The following AGAP1 variants were observed in gnomAD, a reference collection of about 807,000 sequenced individuals.
AGAP1 encodes arf-GAP with GTPase, ANK repeat and PH domain-containing protein 1.
AGAP1 carries 29 observed loss-of-function variants against 105.3 expected under a neutral mutation model. The observed-to-expected ratio is 0.28, with a 90% confidence interval of 0.21 to 0.38. The LOEUF (loss-of-function observed/expected upper bound fraction) is 0.38, where lower values mean the gene tolerates loss of function less well. Ranked by LOEUF, AGAP1 falls within the 10% of genes least tolerant of loss-of-function variation. The probability of loss-of-function intolerance (pLI) is 1.00; values close to 1 mark genes in which losing one functional copy is unlikely to be tolerated. For synonymous variants in AGAP1, 509 were observed against 485.9 expected, an observed-to-expected ratio of 1.05 and a Z score of -0.63; for missense variants, 998 against 1,165.1, an observed-to-expected ratio of 0.86 and a Z score of 2.09.
chr2:236,103,818 C>T (rs373760276), intron 16 of AGAP1, among the ~76,000 whole-genome samples: 5 of 152,150 alleles, frequency 3.3e-5, no homozygotes, highest in Middle Eastern at 3.2e-3. Flanking sequence ...CTGCCAACCT[C>T]GGCCTCCCAA....
chr2:236,037,859 A>G (rs1276929960), intron 14 of AGAP1, among the ~76,000 whole-genome samples: 1 of 152,132 alleles, frequency 6.6e-6, no homozygotes, highest in Non-Finnish European at 1.5e-5. Flanking sequence ...GCATTTTGAT[A>G]TTTCAGACTA....
At chr2:235,541,055 G>A (rs965780725) in intron 1 of AGAP1, among the ~76,000 whole-genome samples, 4 of 152,112 alleles carry the variant, frequency 2.6e-5, no homozygotes, top group Non-Finnish European at 5.9e-5. Context: ...TAACTCTAGC[G>A]AATGATTTTG....
At chr2:235,863,689 C>T (rs189493876) in intron 9 of AGAP1, among the ~76,000 whole-genome samples, 1 of 152,196 alleles carries the variant, frequency 6.6e-6, no homozygotes, top group Non-Finnish European at 1.5e-5. Context: ...AACTACGGGT[C>T]GCTGGCCAAT....
At chr2:235,589,189 GTTTTGTTTTT>G (rs1280058774) in intron 1 of AGAP1, among the ~76,000 whole-genome samples, 4 of 54,924 alleles carry the variant, frequency 7.3e-5, no homozygotes, top group South Asian at 6.3e-4. Context: ...ATAGCTTATT[GTTTTGTTTTT>G]TTTTTTTTTT....
At chr2:236,097,828 TC>T (rs1470238403) in intron 16 of AGAP1, among the ~76,000 whole-genome samples, 1 of 151,994 alleles carries the variant, frequency 6.6e-6, no homozygotes, top group Non-Finnish European at 1.5e-5. Context: ...AACTCCCACT[TC>T]CCCTGGCCCC....
Position 235,675,339 on chromosome 2 carries a change from C to T in AGAP1, c.164-33840C>T, listed in dbSNP as rs1399026534. Among the ~76,000 whole-genome samples the T allele has an allele frequency of 4.6e-5, 7 of 151,790 alleles. No homozygotes were observed. In the East Asian group the frequency reaches 7.8e-4, roughly 17 times the overall value. ...CCGAATAGCTGGGACTACAGGTGCC[C>T]GCCACCACGCCCGGCTAATTTATTT... On this transcript the variant is annotated intron_variant, in intron 1 of 17. Transcript: ENST00000304032.
chr2:235,498,884 T>A (rs544039864), intron 1 of AGAP1, among the ~76,000 whole-genome samples: 89 of 152,292 alleles, frequency 5.8e-4, no homozygotes, highest in Middle Eastern at 3.4e-3. Flanking sequence ...CTGCACTTCT[T>A]AAGGGCATTT....
chr2:235,941,999 C>A (rs1264248080), intron 12 of AGAP1, among the ~76,000 whole-genome samples: 1 of 152,174 alleles, frequency 6.6e-6, no homozygotes, highest in Admixed American at 6.5e-5. Context: ...TGGCCCAGAA[C>A]TCAGCTCTCT....
intron 1 of AGAP1, among the ~76,000 whole-genome samples, chr2:235,707,171 G>A (rs1309624555): frequency 1.3e-5 from 2 of 152,214 alleles, no homozygotes; most frequent in Non-Finnish European, 2.9e-5. Flanking sequence ...GTCTTTGCGG[G>A]CAGTGCAGGG....
At chr2:236,067,622 C>A (rs2058380309) in intron 16 of AGAP1, among the ~76,000 whole-genome samples, 1 of 152,160 alleles carries the variant, frequency 6.6e-6, no homozygotes, top group Non-Finnish European at 1.5e-5. Context: ...GTGAAATAAT[C>A]TATGTTACTA....
rs373205713 is a variant in AGAP1 at position 236,036,627 on chromosome 2, C to T, written c.1712C>T (p.Thr571Met). ...GGCCAAACATGGCACTTTGAAGCCA[C>T]GACGTATGAGGAGCGGGACGCCTGG... The part of the protein sequence containing the change: ...LTGQTWHFEA[T>M]TYEERDAWVQ... Residue 571 changes from threonine to methionine, a missense_variant, in exon 14 of 18, where the codon ACG becomes ATG. Physicochemically the swap from Thr to Met is moderately conservative, Grantham distance 81. Coordinates refer to ENST00000304032, the MANE Select transcript of AGAP1 (RefSeq NM_001037131.3). The surrounding 1 kb of genome is among the most constrained non-coding windows in gnomAD (Gnocchi z 5.7). The T allele has an allele frequency of 1.0e-4, 169 of 1,614,080 alleles. No homozygotes were observed. Among genetic ancestry groups the T allele is most frequent in the Non-Finnish European group, 1.3e-4 (152 of 1,180,054 alleles).
chr2:235,911,992 C>G (rs1424953726), intron 11 of AGAP1, among the ~76,000 whole-genome samples: 2 of 152,198 alleles, frequency 1.3e-5, no homozygotes, highest in African/African-American at 2.4e-5. Flanking sequence ...ACCAAGCATG[C>G]GGGTGAAGTC....
rs142436557 is a variant in AGAP1 at position 235,893,156 on chromosome 2, C to T, written c.1155+9707C>T. Among the ~76,000 whole-genome samples, 21 of 148,854 alleles carry T rather than the reference C, an allele frequency of 1.4e-4. No homozygotes were observed. The highest frequency in any genetic ancestry group is 5.0e-4 in the African/African-American group (20 of 40,332). ...TCTGTGGCGTAGTGTGCACCGTGTC[C>T]ATCATAAGGGAGCGCTGTGTCTTTG... is the stretch of plus-strand genomic sequence containing the variant. On this transcript the variant is annotated intron_variant, in intron 10 of 17. Transcript: ENST00000304032. The surrounding 1 kb of genome is among the most constrained non-coding windows in gnomAD (Gnocchi z 4.7).
In AGAP1 at chr2:235,904,264, TGCAGGGGGACA is replaced by T. The variant is rs1222075115; in HGVS notation, c.1156-4471_1156-4461del. ...GATGGCAAAGGTGCCGGAGCAGGGTTGCAGGGGGACAGCGAGGCACAGTTACCGAGCAATTG... is the reference window on the plus strand; with the variant it reads ...GATGGCAAAGGTGCCGGAGCAGGGTTGCGAGGCACAGTTACCGAGCAATTG... On this transcript the variant is annotated intron_variant, in intron 10 of 17. Transcript: ENST00000304032. This position sits in a 1 kb window ranked among gnomAD's most constrained non-coding sequence, Gnocchi z 4.2. Among the ~76,000 whole-genome samples, 1 of 152,204 alleles carries T rather than the reference TGCAGGGGGACA, an allele frequency of 6.6e-6. No homozygotes were observed. Among genetic ancestry groups the T allele is most frequent in the African/African-American group, 2.4e-5 (1 of 41,456 alleles).
intron 16 of AGAP1, among the ~76,000 whole-genome samples, chr2:236,098,794 T>C (rs560204408): frequency 6.6e-6 from 1 of 151,734 alleles, no homozygotes; most frequent in Admixed American, 6.6e-5. Context: ...CCAGCTAATT[T>C]TTTTTAATTT....
chr2:235,824,187 CG>C lies in AGAP1; in HGVS notation c.1050+16857del, dbSNP rs1290008630. On this transcript the variant is annotated intron_variant, in intron 9 of 17. Coordinates refer to ENST00000304032, the MANE Select transcript of AGAP1 (RefSeq NM_001037131.3). The surrounding 1 kb of genome is among the most constrained non-coding windows in gnomAD (Gnocchi z 5.2). ...AATAGCGCCAACGCTGAGGGGTCTTCGATTGGTGGCACCCGTGTTCCACGGT... is the reference window on the plus strand; with the variant it reads ...AATAGCGCCAACGCTGAGGGGTCTTCATTGGTGGCACCCGTGTTCCACGGT... Among the ~76,000 whole-genome samples the C allele has an allele frequency of 2.0e-5, 3 of 152,244 alleles. No homozygotes were observed. Among genetic ancestry groups the C allele is most frequent in the Non-Finnish European group, 4.4e-5 (3 of 68,044 alleles).
chr2:235,763,076 GCACC>G (rs760270446), intron 6 of AGAP1, among the ~76,000 whole-genome samples: 35,119 of 150,870 alleles, frequency 0.23, 4,780 homozygotes, highest in Admixed American at 0.39. Flanking sequence ...GCGCACACGT[GCACC>G]TGCCGTGTTT....
intron 13 of AGAP1, among the ~76,000 whole-genome samples, chr2:235,987,056 C>G (rs1410150542): frequency 6.6e-6 from 1 of 152,062 alleles, no homozygotes; most frequent in African/African-American, 2.4e-5. Context: ...GATACCAGCC[C>G]TTTGTATTTC....
At position 236,051,377 on chromosome 2, in the gene AGAP1, C is replaced by A. The variant is rs955733983; in HGVS notation, c.2114+2096C>A. Among the ~76,000 whole-genome samples the A allele has an allele frequency of 6.6e-6, 1 of 152,312 alleles. No individual in the cohort carries two copies. The highest frequency in any genetic ancestry group is 1.9e-4 in the East Asian group (1 of 5,178). On this transcript the variant is annotated intron_variant, in intron 16 of 17. Transcript: ENST00000304032. The surrounding 1 kb of genome is among the most constrained non-coding windows in gnomAD (Gnocchi z 5.9). ...TTCCCTGGTGATTGGTGAAGGCTCT[C>A]AGGGCTGCCTGAGGATGCCAGGGCT...
Sources: allele counts gnomAD v4.1 joint callset (sites outside exome capture counted in the v4.1 genomes callset), GRCh38; gene constraint gnomAD v4.1.1; non-coding constraint Gnocchi (gnomAD v3.1); transcripts MANE v1.5; gene names NCBI Gene and HGNC (gene_info 2026-07-23, HGNC 2026-07-21).